Variants in GJC1 observed in about 807,000 individuals in gnomAD.
GJC1 encodes gap junction gamma-1 protein.
GJC1 carries 5 observed loss-of-function variants against 29.3 expected under a neutral mutation model. That is an observed-to-expected ratio of 0.17 (90% confidence interval 0.09 to 0.36). The LOEUF is 0.36. Among genes scored for constraint, GJC1 ranks in the 10% least tolerant of loss-of-function variants. The pLI is 1.00. For synonymous variants in GJC1, 177 were observed against 183.3 expected (o/e 0.97, Z 0.28); for missense variants, 310 against 496.2 (o/e 0.62, Z 3.56).
At chr17:44,827,104 G>A (rs2050184444) in intron 1 of GJC1, among the ~76,000 whole-genome samples, 1 of 152,114 alleles carries the variant, frequency 6.6e-6, no homozygotes, top group South Asian at 2.1e-4. Context: ...AATGTCAAGA[G>A]TTGGAGACCA....
chr17:44,816,930 G>T (rs1021822947), intron 1 of GJC1, among the ~76,000 whole-genome samples: 1 of 152,124 alleles, frequency 6.6e-6, no homozygotes, highest in African/African-American at 2.4e-5. Flanking sequence ...TAATTTGCCT[G>T]CCAGGCGCAG....
chr17:44,810,770 C>A lies in GJC1; in HGVS notation c.-96-3301G>T, dbSNP rs145188724. Among the ~76,000 whole-genome samples the A allele has an allele frequency of 4.1e-3, 630 of 152,040 alleles. 1 individual carries two copies. Among genetic ancestry groups the A allele is most frequent in the Non-Finnish European group, 6.4e-3 (435 of 67,956 alleles). Reference sequence around the variant, plus strand: ...GATCCTCTCTATACTGGATGGACATCAATTAATTCATTTTTTTTTTTTAAA... The same window carrying A: ...GATCCTCTCTATACTGGATGGACATAAATTAATTCATTTTTTTTTTTTAAA... On this transcript the variant is annotated intron_variant, in intron 1 of 2. Transcript: ENST00000592524.
Position 44,805,749 on chromosome 17 carries a change from G to C in GJC1, c.69C>G (p.Ile23Met), listed in dbSNP as rs1567707566. ...GGAAGACAATCAGAACAGTGAGCCAGATCTTCCCCACAAATGTGGAATGGT... is the reference window on the plus strand; with the variant it reads ...GGAAGACAATCAGAACAGTGAGCCACATCTTCCCCACAAATGTGGAATGGT... ...IHNHSTFVGK[I>M]WLTVLIVFRI... Residue 23 changes from isoleucine to methionine, a missense_variant, in exon 3 of 3, where the codon ATC becomes ATG. Ile to Met is a conservative substitution (Grantham distance 10). This residue lies in a region of GJC1 where 37 missense variants were observed against 104.2 expected (regional missense o/e 0.35). Transcript: ENST00000592524. The surrounding 1 kb of genome is among the most constrained non-coding windows in gnomAD (Gnocchi z 5.1). 8 of 1,614,008 alleles carry C rather than the reference G, an allele frequency of 5.0e-6. No homozygotes were observed. The highest frequency in any genetic ancestry group is 1.3e-5 in the African/African-American group (1 of 74,938).
downstream of GJC1, among the ~76,000 whole-genome samples, chr17:44,797,233 G>A (rs2049789391): frequency 6.6e-6 from 1 of 152,132 alleles, no homozygotes; most frequent in African/African-American, 2.4e-5. Context: ...AGCCTCCTGA[G>A]TAGCTGGGAC....
Position 44,804,294 on chromosome 17 carries a change from T to C in GJC1, c.*333A>G, listed in dbSNP as rs1368950073. On this transcript the variant is annotated 3_prime_UTR_variant, in exon 3 of 3. Transcript: ENST00000592524. ...CAATGTACAAATACAAAAAAAGTTC[T>C]CATACTAAAAAAAAAAAAGTACCAT... 4 of 206,670 alleles carry C rather than the reference T, an allele frequency of 1.9e-5. No homozygotes were observed. In the Admixed American group the frequency reaches 2.2e-4, roughly 11 times the overall value. 12.8% of individuals were successfully genotyped at this position (206,670 alleles called of 1,614,324 possible).
At chr17:44,816,592 C>A (rs2050046239) in intron 1 of GJC1, among the ~76,000 whole-genome samples, 1 of 152,082 alleles carries the variant, frequency 6.6e-6, no homozygotes. Context: ...ACCTCTGCCT[C>A]CGGGGTTCAA....
chr17:44,794,127 T>G (rs1227977524), downstream of GJC1: 3 of 152,152 alleles, frequency 2.0e-5, no homozygotes, highest in Non-Finnish European at 2.9e-5. Context: ...TTTCTATATT[T>G]GTACAATGAC....
At chr17:44,822,540 G>A (rs993903334) in intron 1 of GJC1, among the ~76,000 whole-genome samples, 13 of 151,192 alleles carry the variant, frequency 8.6e-5, no homozygotes, top group African/African-American at 2.9e-4. Context: ...CTACTCGGGA[G>A]GCTGAGGCAG....
rs1370725937 is a variant in GJC1, at chr17:44,798,814, C to T, written c.*5813G>A. 1 of 152,130 alleles carries T rather than the reference C, an allele frequency of 6.6e-6. No individual in the cohort carries two copies. The highest frequency in any genetic ancestry group is 6.6e-5 in the Admixed American group (1 of 15,262). The allele number at this position is 152,130 out of a possible 1,614,324, so 9.4% of individuals were successfully genotyped here. On this transcript the variant is annotated 3_prime_UTR_variant, in exon 3 of 3. Coordinates refer to ENST00000592524, the MANE Select transcript of GJC1 (RefSeq NM_005497.4). ...CAATTGAGAGTATAATACAGAAAAACATTTAAATCTTGGAAGCATATAGCC... is the reference window on the plus strand; with the variant it reads ...CAATTGAGAGTATAATACAGAAAAATATTTAAATCTTGGAAGCATATAGCC...
At chr17:44,821,519 C>T (rs1444087850) in intron 1 of GJC1, among the ~76,000 whole-genome samples, 5 of 151,304 alleles carry the variant, frequency 3.3e-5, no homozygotes, top group Non-Finnish European at 5.9e-5. Context: ...CCAATATTGG[C>T]GAAATCCTGT....
chr17:44,817,677 T>C (rs1025030319), intron 1 of GJC1, among the ~76,000 whole-genome samples: 1 of 151,972 alleles, frequency 6.6e-6, no homozygotes, highest in African/African-American at 2.4e-5. Flanking sequence ...GCCATTGCAC[T>C]CCAGCCTGGG....
At chr17:44,798,409 T>C (rs1208669952), downstream of GJC1, 4 of 152,194 alleles carry the variant, frequency 2.6e-5, no homozygotes, top group African/African-American at 9.7e-5. Flanking sequence ...TGATTTTCAG[T>C]TGGTTTCGAA....
At chr17:44,829,658 G>T (rs1413135171) in intron 1 of GJC1, 1 of 152,040 alleles carries the variant, frequency 6.6e-6, no homozygotes, top group Non-Finnish European at 1.5e-5. Flanking sequence ...GGGCGGCCCG[G>T]CTCCGCCCTG....
rs1377742046 is a variant in GJC1 at position 44,805,375 on chromosome 17, C to T, written c.443G>A (p.Ser148Asn). 6.2e-7 allele frequency: 1 copy of T among 1,614,244 alleles called. No individual in the cohort carries two copies. The highest frequency in any genetic ancestry group is 1.1e-5 in the South Asian group (1 of 91,088). Residue 148 changes from serine to asparagine, a missense_variant, in exon 3 of 3, where the codon AGT becomes AAT. Ser to Asn is a conservative substitution (Grantham distance 46, BLOSUM62 1). Transcript: ENST00000592524. The surrounding 1 kb of genome is among the most constrained non-coding windows in gnomAD (Gnocchi z 5.1). ...PMMYPEMELE[S>N]DKENKEQSQP... Reference sequence around the variant, plus strand: ...GCTCTGCTCTTTATTTTCCTTATCACTTTCTAACTCCATCTCTGGATACAT... The same window carrying T: ...GCTCTGCTCTTTATTTTCCTTATCATTTTCTAACTCCATCTCTGGATACAT...
intron 1 of GJC1, among the ~76,000 whole-genome samples, chr17:44,827,008 T>C (rs1057069425): frequency 6.6e-6 from 1 of 152,084 alleles, no homozygotes; most frequent in Admixed American, 6.6e-5. Flanking sequence ...AAAGGAACGG[T>C]CTTACAAAAC....
At chr17:44,828,774 G>T (rs1018228700) in intron 1 of GJC1, among the ~76,000 whole-genome samples, 2 of 151,690 alleles carry the variant, frequency 1.3e-5, no homozygotes, top group Non-Finnish European at 2.9e-5. Context: ...GTATTTTTCT[G>T]TTTTTTTCCA....
chr17:44,816,446 CCAAA>C (rs2050044729), intron 1 of GJC1, among the ~76,000 whole-genome samples: 1 of 152,144 alleles, frequency 6.6e-6, no homozygotes, highest in African/African-American at 2.4e-5. Flanking sequence ...TAGGTTATAT[CCAAA>C]CAGACTCAAA....
rs1340645735 is a variant in GJC1 at position 44,825,115 on chromosome 17, T to C, written c.-97+4947A>G. On this transcript the variant is annotated intron_variant, in intron 1 of 2. Transcript: ENST00000592524. Reference sequence around the variant, plus strand: ...CTGTGGTCCCAGCTACTAGGGATGCTGTGGTGGAAGGATCGCTTGAGAGCA... The same window carrying C: ...CTGTGGTCCCAGCTACTAGGGATGCCGTGGTGGAAGGATCGCTTGAGAGCA... Among the ~76,000 whole-genome samples, 3 of 137,242 alleles carry C rather than the reference T, an allele frequency of 2.2e-5. No individual in the cohort carries two copies. The East Asian group carries it at 6.8e-4, about 31-fold the overall frequency. 90.0% of individuals were successfully genotyped at this position (137,242 alleles called of 152,430 possible). A position where few individuals can be genotyped will look rare whatever the true frequency, so the allele number is the denominator to read the frequency against.
In GJC1 at chr17:44,810,683, A is replaced by G. The variant is rs116185554; in HGVS notation, c.-96-3214T>C. Among the ~76,000 whole-genome samples the G allele has an allele frequency of 5.9e-3, 900 of 152,252 alleles. 10 individuals carry two copies. Among genetic ancestry groups the G allele is most frequent in the African/African-American group, 0.021 (859 of 41,538 alleles). On this transcript the variant is annotated intron_variant, in intron 1 of 2. Transcript: ENST00000592524. ...GAGATCTGCAGACGGACTCCCCTCC[A>G]TACCCCAGGTCTTCAGCTCTGATCA...
Sources: allele counts gnomAD v4.1 joint callset (sites outside exome capture counted in the v4.1 genomes callset), GRCh38; gene constraint gnomAD v4.1.1; regional missense constraint gnomAD v4.1.1; non-coding constraint Gnocchi (gnomAD v3.1); transcripts MANE v1.5; gene names NCBI Gene and HGNC (gene_info 2026-07-23, HGNC 2026-07-21).